Variants in HSPG2 observed in about 807,000 individuals in gnomAD.
HSPG2 encodes the protein heparan sulfate proteoglycan 2.
A neutral mutation model predicts 526.6 loss-of-function variants in HSPG2; 278 were observed. The observed-to-expected ratio is 0.53, with a 90% CI of 0.48 to 0.58. The LOEUF (loss-of-function observed/expected upper bound fraction) is 0.58. Ranked by LOEUF, HSPG2 falls within the 20% of genes least tolerant of loss-of-function variation. The probability of loss-of-function intolerance (pLI) is 0.00; values close to 1 mark genes in which losing one functional copy is unlikely to be tolerated. For synonymous variants in HSPG2, 2,465 were observed against 2,555.4 expected (o/e 0.96, Z 1.07); for missense variants, 5,354 against 6,099.5 (o/e 0.88, Z 4.07).
chr1:21,871,657 C>A (rs991225472), intron 33 of HSPG2, among the ~76,000 whole-genome samples: 1 of 152,148 alleles, frequency 6.6e-6, no homozygotes, highest in African/African-American at 2.4e-5. Flanking sequence ...CCCCTCTTGC[C>A]TTATTTATGA....
chr1:21,887,236 G>C lies in HSPG2; in HGVS notation c.1057C>G (p.Arg353Gly), dbSNP rs1162361220. Residue 353 changes from arginine to glycine, a missense_variant, in exon 9 of 97, where the codon CGA becomes GGA. Arg to Gly is a moderately radical substitution (Grantham distance 125). Coordinates refer to ENST00000374695, the MANE Select transcript of HSPG2 (RefSeq NM_005529.7). The surrounding 1 kb of genome is among the most constrained non-coding windows in gnomAD (Gnocchi z 5.0). The stretch of plus-strand genomic sequence containing the variant: ...TCACGGCAGTTGGCTTCATCAGTTC[G>C]GTCCTCACAGTCAAAGTCACCATCG... Reference protein sequence around the residue: ...RCDGDFDCEDRTDEANCPTKR... With the variant: ...RCDGDFDCEDGTDEANCPTKR... 2.5e-6 allele frequency: 4 copies of C among 1,613,550 alleles called. No individual in the cohort carries two copies. Among genetic ancestry groups the C allele is most frequent in the South Asian group, 1.1e-5 (1 of 91,068 alleles).
rs546288805 is a variant in HSPG2 at position 21,904,470 on chromosome 1, G to A, written c.64-8160C>T. The stretch of plus-strand genomic sequence containing the variant: ...GTGGGCTTTTCCATTTAAAAGGGCC[G>A]CCCCTCAGTTGTGCTGCTGACCCGG... On this transcript the variant is annotated intron_variant, in intron 1 of 96. Transcript: ENST00000374695. This position sits in a 1 kb window ranked among gnomAD's most constrained non-coding sequence, Gnocchi z 4.4. 1.6e-4 allele frequency among the ~76,000 whole-genome samples: 24 copies of A among 152,226 alleles called. No individual in the cohort carries two copies. In the Middle Eastern group the frequency reaches 0.014, roughly 86 times the overall value.
At chr1:21,896,440 A>G (rs760000910) in intron 1 of HSPG2, 130 bp from the exon 2 acceptor site, 6 of 1,137,964 alleles carry the variant, frequency 5.3e-6, no homozygotes, top group Non-Finnish European at 7.9e-6. Flanking sequence ...TTGACTTAGT[A>G]TGGCTCAGTG....
chr1:21,884,492 C>T (rs764490273), intron 13 of HSPG2, 36 bp downstream of exon 13: 9 of 1,610,518 alleles, frequency 5.6e-6, no homozygotes, highest in Non-Finnish European at 7.6e-6. Flanking sequence ...TACCCACCTC[C>T]CACCTCCCGC....
chr1:21,832,632 G>T (rs770307851), intron 80 of HSPG2, 26 bp from the exon 81 acceptor site: 1 of 1,587,364 alleles, frequency 6.3e-7, no homozygotes, highest in South Asian at 1.1e-5. Context: ...TGTGTAAGGG[G>T]CCCCCTTCCA....
intron 1 of HSPG2, among the ~76,000 whole-genome samples, chr1:21,909,957 C>T (rs1414811173): frequency 6.6e-6 from 1 of 152,232 alleles, no homozygotes; most frequent in African/African-American, 2.4e-5. Flanking sequence ...CTCAGCTGCA[C>T]GTTGCTCACG....
chr1:21,933,595 G>C (rs1644403776), intron 1 of HSPG2, among the ~76,000 whole-genome samples: 1 of 152,232 alleles, frequency 6.6e-6, no homozygotes, highest in South Asian at 2.1e-4. Flanking sequence ...CAGACCCACA[G>C]ATCCTAACTT....
At chr1:21,867,369 G>C (rs1640324548) in intron 33 of HSPG2, among the ~76,000 whole-genome samples, 1 of 152,052 alleles carries the variant, frequency 6.6e-6, no homozygotes, top group Admixed American at 6.6e-5. Flanking sequence ...ATAGGTGTGA[G>C]CCATTGTACC....
rs775757447 is a variant in HSPG2 at position 21,846,477 on chromosome 1, G to A, written c.8287C>T (p.Arg2763Cys). ...TGGTGACTGGGGAGGCTGCCCCCAC[G>A]CTTGTGCCAAGTGACCTGGGCATGG... ...QAHAQVTWHKRGGSLPSHHQT... is the reference protein window; with the variant it reads ...QAHAQVTWHKCGGSLPSHHQT... Residue 2763 changes from arginine (R) to cysteine (C), a missense_variant, in exon 63 of 97, where the codon CGT (arginine) becomes TGT (cysteine). Coordinates refer to ENST00000374695, the MANE Select transcript of HSPG2 (RefSeq NM_005529.7). 4.4e-5 allele frequency: 71 copies of A among 1,613,574 alleles called. No individual in the cohort carries two copies. The highest frequency in any genetic ancestry group is 5.7e-5 in the Non-Finnish European group (67 of 1,180,058).
In HSPG2 at chr1:21,904,861, C is replaced by CT. The variant is rs1643285429; in HGVS notation, c.64-8552dup. 6.6e-6 allele frequency among the ~76,000 whole-genome samples: 1 copy of CT among 152,200 alleles called. No homozygotes were observed. Among genetic ancestry groups the CT allele is most frequent in the African/African-American group, 2.4e-5 (1 of 41,452 alleles). Reference sequence around the variant, plus strand: ...GGTTCTCCGGCTCCCAGCTGCCCTGCTGCCCTGGCAGGTCTGTGGGGCTTC... The same window carrying CT: ...GGTTCTCCGGCTCCCAGCTGCCCTGCTTGCCCTGGCAGGTCTGTGGGGCTTC... On this transcript the variant is annotated intron_variant, in intron 1 of 96. Transcript: ENST00000374695. The surrounding 1 kb of genome is among the most constrained non-coding windows in gnomAD (Gnocchi z 4.4).
chr1:21,888,787 C>A, intron 6 of HSPG2: 1 of 1,100,294 alleles, frequency 9.1e-7, no homozygotes, highest in Non-Finnish European at 1.2e-6. Context: ...CAGGGCTGGG[C>A]CACATTCCAC....
rs7355175 is a variant in HSPG2 at position 21,875,303 on chromosome 1, G to C, written c.3303-301C>G. 0.041 allele frequency: 24,375 copies of C among 594,704 alleles called. 1,090 individuals are homozygous for C. Among genetic ancestry groups the C allele is most frequent in the African/African-American group, 0.17 (9,241 of 53,786 alleles). 36.8% of individuals were successfully genotyped at this position (594,704 alleles called of 1,614,324 possible). ...GGGCCTGAAAGAACGATCACTCTCCGGCGAATGACTCTCCAGAGCTCCCTG... is the reference window on the plus strand; with the variant it reads ...GGGCCTGAAAGAACGATCACTCTCCCGCGAATGACTCTCCAGAGCTCCCTG... On this transcript the variant is annotated intron_variant, in intron 25 of 96. Coordinates refer to ENST00000374695, the MANE Select transcript of HSPG2 (RefSeq NM_005529.7).
chr1:21,908,500 C>A, intron 1 of HSPG2: 3 of 930,528 alleles, frequency 3.2e-6, no homozygotes, highest in Admixed American at 3.4e-5. Context: ...GCCTGCTCCA[C>A]CCAGCAAAGC....
chr1:21,852,021 A>G, intron 53 of HSPG2, 67 bp downstream of exon 53: 1 of 1,611,130 alleles, frequency 6.2e-7, no homozygotes, highest in Non-Finnish European at 8.5e-7. Flanking sequence ...CCAGCCCCTC[A>G]GCCTAGGGGC....
intron 1 of HSPG2, among the ~76,000 whole-genome samples, chr1:21,916,054 AAAGAAAAG>A (rs1643879223): frequency 7.6e-6 from 1 of 131,410 alleles, no homozygotes; most frequent in Non-Finnish European, 1.6e-5. Context: ...CCATCTCAAA[AAAGAAAAG>A]AAGAAGAAGA....
In HSPG2 at chr1:21,880,243, C is replaced by A; in HGVS notation, c.2207G>T (p.Gly736Val). The change falls in exon 17 of 97, where the codon GGC (glycine) becomes GTC (valine). Residue 736 changes from glycine to valine, a missense_variant. Transcript: ENST00000374695. ...GCTCTCGCAGGACAAGCCAGAATAG[C>A]CAATGGGGCATCTGTGGGGACAGGA... ...HSVEECRCPI[G>V]YSGLSCESCD... 3 of 1,614,198 alleles carry A rather than the reference C, an allele frequency of 1.9e-6. No individual in the cohort carries two copies. Among genetic ancestry groups the A allele is most frequent in the Non-Finnish European group, 2.5e-6 (3 of 1,180,036 alleles).
chr1:21,856,057 T>C (rs1346871820), intron 44 of HSPG2, 145 bp from the exon 45 acceptor site: 1 of 1,140,718 alleles, frequency 8.8e-7, no homozygotes, highest in Non-Finnish European at 1.2e-6. Context: ...GCTTGGGAAA[T>C]GTCAACAGGA....
At position 21,931,471 on chromosome 1, in the gene HSPG2, G is replaced by C. The variant is rs567228923; in HGVS notation, c.63+5684C>G. 2.0e-5 allele frequency among the ~76,000 whole-genome samples: 3 copies of C among 152,334 alleles called. No homozygotes were observed. The South Asian group carries it at 6.2e-4, about 32-fold the overall frequency. ...CTCTTCTTGGCAGGAGCAGGAGCGA[G>C]AGGAGAAAAAGGCCAGGGTAGGCCC... is the stretch of plus-strand genomic sequence containing the variant. On this transcript the variant is annotated intron_variant, in intron 1 of 96. Coordinates refer to ENST00000374695, the MANE Select transcript of HSPG2 (RefSeq NM_005529.7).
rs376614928 is a variant in HSPG2 at position 21,841,135 on chromosome 1, G to C, written c.9479C>G (p.Thr3160Arg). The change falls in exon 71 of 97, where the codon ACA becomes AGA. Residue 3160 changes from threonine (T) to arginine (R), a missense_variant. By Grantham distance (71) the Thr-to-Arg change is moderately conservative. Coordinates refer to ENST00000374695, the MANE Select transcript of HSPG2 (RefSeq NM_005529.7). Reference protein sequence around the residue: ...SSTPAKLEQRTYGLMDSHAVL... With the variant: ...SSTPAKLEQRRYGLMDSHAVL... ...CGCGTGGCTGTCCATGAGCCCATAT[G>C]TCCGCTGCTCCAACTTGGCAGGGGT... 7.4e-6 allele frequency: 12 copies of C among 1,613,110 alleles called. No individual in the cohort carries two copies. The highest frequency in any genetic ancestry group is 3.3e-5 in the Admixed American group (2 of 59,948).
Sources: gnomAD v4.1 joint callset for allele counts (sites outside exome capture counted in the v4.1 genomes callset) on GRCh38, gnomAD v4.1.1 for gene constraint, Gnocchi (gnomAD v3.1) non-coding constraint, MANE v1.5 for transcripts, NCBI Gene and HGNC (gene_info 2026-07-23, HGNC 2026-07-21) for gene names.